The following PPP6C variants were observed in gnomAD, a reference collection of about 807,000 sequenced individuals.
PPP6C encodes protein phosphatase 6 catalytic subunit, also known as serine/threonine-protein phosphatase 6 catalytic subunit.
PPP6C carries 11 observed loss-of-function variants against 39.8 expected under a neutral mutation model. That is an observed-to-expected ratio of 0.28 (90% CI 0.17 to 0.46). The LOEUF is 0.46. PPP6C is among the 20% of genes least tolerant of loss of function. The probability of loss-of-function intolerance (pLI) is 1.00; values close to 1 mark genes in which losing one functional copy is unlikely to be tolerated. For missense variants in PPP6C, 211 were observed against 373.9 expected (o/e 0.56, Z 3.59); for synonymous variants, 129 against 130.3 (o/e 0.99, Z 0.07).
chr9:125,164,440 T>C (rs1008054668), intron 2 of PPP6C, among the ~76,000 whole-genome samples: 3 of 151,230 alleles, frequency 2.0e-5, no homozygotes, highest in Non-Finnish European at 4.4e-5. Context: ...ATTGGCCAGG[T>C]TGGTCTTAAA....
Position 125,167,400 on chromosome 9 carries a change from G to T in PPP6C, c.171+3685C>A, listed in dbSNP as rs926364421. 5.9e-5 allele frequency among the ~76,000 whole-genome samples: 5 copies of T among 85,064 alleles called. 1 individual carries two copies. The highest frequency in any genetic ancestry group is 1.2e-4 in the Non-Finnish European group (5 of 41,510). The allele number at this position is 85,064 out of a possible 152,430, so 55.8% of individuals were successfully genotyped here. On this transcript the variant is annotated intron_variant, in intron 2 of 6. Transcript: ENST00000373547. ...TGTCCAAAAAAAAAAAAAAAAAAAA[G>T]AAATAAAAAAAAGGCCGGGCATGGT...
intron 1 of PPP6C, among the ~76,000 whole-genome samples, chr9:125,175,218 AAAAC>A (rs1451869128): frequency 6.6e-6 from 1 of 152,070 alleles, no homozygotes; most frequent in Non-Finnish European, 1.5e-5. Flanking sequence ...AAAAAAAACA[AAAAC>A]AAAAGCAAAA....
rs535743400 is a variant in PPP6C at position 125,151,684 on chromosome 9, T to C, written c.670-1763A>G. On this transcript the variant is annotated intron_variant, in intron 6 of 6. Transcript: ENST00000373547. ...TGACGAATTCAGCAGAAGACCCAGCTTGCTCCAGTGTAGCTTTCTATATCC... is the reference window on the plus strand; with the variant it reads ...TGACGAATTCAGCAGAAGACCCAGCCTGCTCCAGTGTAGCTTTCTATATCC... 1.5e-5 allele frequency: 7 copies of C among 453,070 alleles called. No homozygotes were observed. The East Asian group carries it at 3.6e-4, about 23-fold the overall frequency. The allele number at this position is 453,070 out of a possible 1,614,324, so 28.1% of individuals were successfully genotyped here. A position where few individuals can be genotyped will look rare whatever the true frequency, so the allele number is the denominator to read the frequency against.
intron 2 of PPP6C, among the ~76,000 whole-genome samples, chr9:125,163,434 T>C (rs946086379): frequency 6.6e-6 from 1 of 152,010 alleles, no homozygotes; most frequent in East Asian, 1.9e-4. Flanking sequence ...TGTTTTTTTG[T>C]TTTGTTTTGT....
At position 125,186,526 on chromosome 9, in the gene PPP6C, G is replaced by A. The variant is rs985470376; in HGVS notation, c.75+3118C>T. On this transcript the variant is annotated intron_variant, in intron 1 of 6. Coordinates refer to ENST00000373547, the MANE Select transcript of PPP6C (RefSeq NM_002721.5). ...TTTGGGAAGCCAAGGTGGGAGGATC[G>A]CTTGAGCCCAGGAGTTCAAGACTGG... is the stretch of plus-strand genomic sequence containing the variant. Among the ~76,000 whole-genome samples the A allele has an allele frequency of 6.6e-5, 10 of 151,892 alleles. 1 individual carries two copies. The highest frequency in any genetic ancestry group is 2.4e-4 in the African/African-American group (10 of 41,248).
chr9:125,162,101 AAAC>A (rs977151208), intron 2 of PPP6C, among the ~76,000 whole-genome samples: 1 of 152,108 alleles, frequency 6.6e-6, no homozygotes, highest in Non-Finnish European at 1.5e-5. Context: ...AAAAAAAAAA[AAAC>A]AACTTTAGGA....
At chr9:125,185,102 C>G (rs1025008661) in intron 1 of PPP6C, among the ~76,000 whole-genome samples, 57 of 151,922 alleles carry the variant, frequency 3.8e-4, no homozygotes, top group African/African-American at 1.3e-3. Flanking sequence ...TTCAGTAAAC[C>G]TGCCTTTATC....
In PPP6C at chr9:125,173,099, A is replaced by C. The variant is rs188933161; in HGVS notation, c.76-1919T>G. Among the ~76,000 whole-genome samples, 145 of 152,222 alleles carry C rather than the reference A, an allele frequency of 9.5e-4. 1 individual carries two copies. Among genetic ancestry groups the C allele is most frequent in the Non-Finnish European group, 3.5e-4 (24 of 68,016 alleles). On this transcript the variant is annotated intron_variant, in intron 1 of 6. Coordinates refer to ENST00000373547, the MANE Select transcript of PPP6C (RefSeq NM_002721.5). ...CAAGACCAGCCTGACCAACATGGCA[A>C]AACCCCCTATCTCTACTAAATATAA...
intron 3 of PPP6C, among the ~76,000 whole-genome samples, chr9:125,158,747 C>T (rs1199119203): frequency 2.6e-5 from 4 of 151,814 alleles, no homozygotes; most frequent in Admixed American, 6.6e-5. Context: ...CTGCAACCTC[C>T]GCCTCCCGGG....
intron 1 of PPP6C, among the ~76,000 whole-genome samples, chr9:125,184,711 A>G (rs116879141): frequency 0.015 from 2,302 of 152,212 alleles, 105 homozygotes; most frequent in Admixed American, 0.082. Flanking sequence ...AGTGGCTCAC[A>G]TCTGTAATCC....
chr9:125,158,730 C>T (rs1029896137), intron 3 of PPP6C, among the ~76,000 whole-genome samples: 65 of 150,604 alleles, frequency 4.3e-4, no homozygotes, highest in African/African-American at 1.5e-3. Flanking sequence ...GGCACAATCT[C>T]GGTTCACTGC....
intron 1 of PPP6C, among the ~76,000 whole-genome samples, chr9:125,183,154 A>C (rs1234991850): frequency 1.3e-5 from 2 of 152,112 alleles, no homozygotes; most frequent in African/African-American, 2.4e-5. Flanking sequence ...AACAGGTGCC[A>C]CTATACCTTC....
Position 125,147,542 on chromosome 9 carries a change from A to T in PPP6C, c.*2131T>A, listed in dbSNP as rs1053073414. ...AGTAAAAACTATTTTTTCCATGCAA[A>T]AAGCCATTATTCAGTTGAAGAGAAA... On this transcript the variant is annotated 3_prime_UTR_variant, in exon 7 of 7. Coordinates refer to ENST00000373547, the MANE Select transcript of PPP6C (RefSeq NM_002721.5). 2.6e-5 allele frequency: 4 copies of T among 152,334 alleles called. No homozygotes were observed. In the South Asian group the frequency reaches 8.3e-4, roughly 32 times the overall value. The allele number at this position is 152,334 out of a possible 1,614,324, so 9.4% of individuals were successfully genotyped here.
chr9:125,176,822 G>C (rs572280883), intron 1 of PPP6C, among the ~76,000 whole-genome samples: 1 of 152,096 alleles, frequency 6.6e-6, no homozygotes, highest in African/African-American at 2.4e-5. Flanking sequence ...AGAAAATAGG[G>C]AAAATAGATT....
At chr9:125,150,015 A>G (rs905078984) in intron 6 of PPP6C, 94 bp from the exon 7 acceptor site, 82 of 1,419,728 alleles carry the variant, frequency 5.8e-5, no homozygotes, top group Non-Finnish European at 7.2e-5. Context: ...TATTACTACT[A>G]AAGGCATCAA....
At chr9:125,188,099 G>T (rs1397710998) in intron 1 of PPP6C, among the ~76,000 whole-genome samples, 2 of 150,822 alleles carry the variant, frequency 1.3e-5, no homozygotes, top group Non-Finnish European at 2.9e-5. Context: ...AATACACTGA[G>T]TCGGGGCTGG....
chr9:125,171,480 T>TAC (rs1458292121), intron 1 of PPP6C, among the ~76,000 whole-genome samples: 14 of 21,762 alleles, frequency 6.4e-4, no homozygotes, highest in African/African-American at 2.7e-3. Context: ...CACACACACA[T>TAC]ATATATATAT....
chr9:125,158,092 G>A (rs1003561916), intron 4 of PPP6C, 149 bp downstream of exon 4: 1 of 820,200 alleles, frequency 1.2e-6, no homozygotes, highest in Middle Eastern at 3.9e-4. Flanking sequence ...CTTCTCTCGA[G>A]CATAAGATTT....
intron 4 of PPP6C, among the ~76,000 whole-genome samples, chr9:125,157,433 T>C (rs1211008061): frequency 1.3e-5 from 2 of 152,176 alleles, no homozygotes; most frequent in African/African-American, 4.8e-5. Context: ...GATACATCAA[T>C]TATGCTACAT....
Sources: allele counts gnomAD v4.1 joint callset (sites outside exome capture counted in the v4.1 genomes callset), GRCh38; gene constraint gnomAD v4.1.1; transcripts MANE v1.5; gene names NCBI Gene and HGNC (gene_info 2026-07-23, HGNC 2026-07-21).